PCDHGA3: variants seen among roughly 807,000 people sequenced by gnomAD.
PCDHGA3 encodes protocadherin gamma subfamily A, 3.
Under a neutral mutation model 58.5 loss-of-function variants are expected in PCDHGA3, and 40 were observed. The ratio of observed to expected loss-of-function variants is 0.68; its 90% confidence interval spans 0.53 to 0.89. PCDHGA3 has a LOEUF of 0.89. Ranked by LOEUF, PCDHGA3 falls within the 40% of genes least tolerant of loss-of-function variation. PCDHGA3 has a pLI of 0.00. For missense variants in PCDHGA3, 1,223 were observed against 1,195.9 expected, an observed-to-expected ratio of 1.02 and a Z score of -0.33; for synonymous variants, 530 against 525.7, an observed-to-expected ratio of 1.01 and a Z score of -0.11.
rs1483568435 is a variant in PCDHGA3 at position 141,344,091 on chromosome 5, C to T, written c.58C>T (p.Leu20=). The change falls in exon 1 of 4, where the codon CTG becomes TTG. Residue 20 remains leucine, a synonymous_variant. Coordinates refer to ENST00000253812, the MANE Select transcript of PCDHGA3 (RefSeq NM_018916.4). ...AGGACTGGCCCTGCTGTGCGCGCTC[C>T]TGGGGACGCTGTGCGAAACAGGATC... ...GRGLALLCAL[L]GTLCETGSGQ... The T allele has an allele frequency of 1.2e-6, 2 of 1,613,434 alleles. No individual in the cohort carries two copies. Among genetic ancestry groups the T allele is most frequent in the East Asian group, 2.2e-5 (1 of 44,874 alleles).
chr5:141,489,253 A>T lies in PCDHGA3; in HGVS notation c.2425-5554A>T. 1 of 1,547,506 alleles carries T rather than the reference A, an allele frequency of 6.5e-7. No individual in the cohort carries two copies. The highest frequency in any genetic ancestry group is 2.3e-5 in the East Asian group (1 of 44,418). ...GGACTTCTGGGTCATGGGGCCCAAG[A>T]CACTCCCACAGCTCGCTGGGAAATG... On this transcript the variant is annotated intron_variant, in intron 1 of 3. Coordinates refer to ENST00000253812, the MANE Select transcript of PCDHGA3 (RefSeq NM_018916.4). This position sits in a 1 kb window ranked among gnomAD's most constrained non-coding sequence, Gnocchi z 4.5.
chr5:141,395,162 G>C, intron 1 of PCDHGA3: 1 of 1,614,148 alleles, frequency 6.2e-7, no homozygotes, highest in Non-Finnish European at 8.5e-7. Flanking sequence ...TCAGTCAGGA[G>C]GGCTGTGAGA....
At chr5:141,383,684 T>C in intron 1 of PCDHGA3, 5 of 1,614,014 alleles carry the variant, frequency 3.1e-6, no homozygotes, top group Non-Finnish European at 4.2e-6. Flanking sequence ...ACAAGACTGC[T>C]CACGGTACAT....
At chr5:141,419,151 C>A in intron 1 of PCDHGA3, 1 of 1,613,918 alleles carries the variant, frequency 6.2e-7, no homozygotes. Context: ...GGCAAGCCTC[C>A]GTTATCCTCC....
intron 2 of PCDHGA3, among the ~76,000 whole-genome samples, chr5:141,496,467 TC>T (rs1289225541): frequency 1.3e-5 from 2 of 152,176 alleles, no homozygotes; most frequent in Admixed American, 1.3e-4. Flanking sequence ...GAGTTATCTT[TC>T]CCCCATCCTG....
At chr5:141,473,402 T>C (rs1019157713) in intron 1 of PCDHGA3, among the ~76,000 whole-genome samples, 7 of 152,224 alleles carry the variant, frequency 4.6e-5, no homozygotes, top group Non-Finnish European at 7.3e-5. Flanking sequence ...CTTCTTTTTT[T>C]CTTCTTCAGT....
intron 1 of PCDHGA3, among the ~76,000 whole-genome samples, chr5:141,447,600 T>G (rs769487703): frequency 6.6e-6 from 1 of 151,992 alleles, no homozygotes; most frequent in Non-Finnish European, 1.5e-5. Flanking sequence ...TCCTATAGAG[T>G]CCTTAGCATT....
At chr5:141,384,614 C>G (rs759348931) in intron 1 of PCDHGA3, 2 of 1,614,222 alleles carry the variant, frequency 1.2e-6, no homozygotes, top group Admixed American at 3.3e-5. Context: ...ACAGATGGTT[C>G]TACTGGCATG....
At chr5:141,392,922 G>A (rs2092629176) in intron 1 of PCDHGA3, 1 of 1,613,946 alleles carries the variant, frequency 6.2e-7, no homozygotes, top group African/African-American at 1.3e-5. Context: ...CTCTGTGCCA[G>A]AAGAGACGGA....
At position 141,490,521 on chromosome 5, in the gene PCDHGA3, C is replaced by T. The variant is rs146064810; in HGVS notation, c.2425-4286C>T. The stretch of plus-strand genomic sequence containing the variant: ...ACTATATCATCGAGCTGCTGGCCAG[C>T]GATGCTGGTTCACCTTCCCTACACA... On this transcript the variant is annotated intron_variant, in intron 1 of 3. Coordinates refer to ENST00000253812, the MANE Select transcript of PCDHGA3 (RefSeq NM_018916.4). This position sits in a 1 kb window ranked among gnomAD's most constrained non-coding sequence, Gnocchi z 5.4. The T allele has an allele frequency of 1.0e-4, 166 of 1,614,058 alleles. No individual in the cohort carries two copies. In the African/African-American group the frequency reaches 1.7e-3, roughly 16 times the overall value.
chr5:141,501,374 T>A (rs2099808767), intron 2 of PCDHGA3, among the ~76,000 whole-genome samples: 1 of 151,106 alleles, frequency 6.6e-6, no homozygotes. Context: ...CATCATCTCT[T>A]AAATCCTAGG....
chr5:141,373,350 A>G (rs1769502656), intron 1 of PCDHGA3, among the ~76,000 whole-genome samples: 1 of 152,206 alleles, frequency 6.6e-6, no homozygotes, highest in Non-Finnish European at 1.5e-5. Context: ...AACTCTTGTA[A>G]TGGGCACTGT....
chr5:141,364,678 T>G (rs758125696), intron 1 of PCDHGA3: 4 of 1,613,814 alleles, frequency 2.5e-6, no homozygotes, highest in Non-Finnish European at 3.4e-6. Flanking sequence ...AAATGAAAAT[T>G]TATGGAGTAG....
In PCDHGA3 at chr5:141,420,606, G is replaced by A. The variant is rs141099124; in HGVS notation, c.2424+74149G>A. On this transcript the variant is annotated intron_variant, in intron 1 of 3. Coordinates refer to ENST00000253812, the MANE Select transcript of PCDHGA3 (RefSeq NM_018916.4). Reference sequence around the variant, plus strand: ...CCTGATGCTACTCAATTTTTCTCAAGTATTTCATCTTCATTTACTCAATAA... The same window carrying A: ...CCTGATGCTACTCAATTTTTCTCAAATATTTCATCTTCATTTACTCAATAA... Among the ~76,000 whole-genome samples the A allele has an allele frequency of 2.7e-3, 411 of 152,256 alleles. 1 individual carries two copies. Among genetic ancestry groups the A allele is most frequent in the African/African-American group, 9.4e-3 (392 of 41,546 alleles).
chr5:141,350,542 A>G (rs780885153), intron 1 of PCDHGA3: 1 of 1,614,032 alleles, frequency 6.2e-7, no homozygotes, highest in Non-Finnish European at 8.5e-7. Context: ...AGATTTGCGG[A>G]AGGAAACTTG....
chr5:141,409,818 C>T (rs1027344375), intron 1 of PCDHGA3: 2 of 1,610,918 alleles, frequency 1.2e-6, no homozygotes, highest in Non-Finnish European at 1.7e-6. Context: ...GACCACGGCT[C>T]GCCCACGCTC....
At chr5:141,383,577 C>T in intron 1 of PCDHGA3, 1 of 1,613,420 alleles carries the variant, frequency 6.2e-7, no homozygotes, top group Non-Finnish European at 8.5e-7. Context: ...CCAGCACCGC[C>T]CACATCCAGG....
chr5:141,477,193 C>G lies in PCDHGA3; in HGVS notation c.2425-17614C>G. The G allele has an allele frequency of 6.2e-7, 1 of 1,614,176 alleles. No homozygotes were observed. Among genetic ancestry groups the G allele is most frequent in the Non-Finnish European group, 8.5e-7 (1 of 1,180,036 alleles). On this transcript the variant is annotated intron_variant, in intron 1 of 3. Transcript: ENST00000253812. This position sits in a 1 kb window ranked among gnomAD's most constrained non-coding sequence, Gnocchi z 4.9. ...AGATCACAGTCACCTCCGTGTACAG[C>G]CCAGTACCCGAGGATGCCCCTCTGG...
Position 141,487,246 on chromosome 5 carries a change from C to T in PCDHGA3, c.2425-7561C>T. 1 of 1,614,166 alleles carries T rather than the reference C, an allele frequency of 6.2e-7. No individual in the cohort carries two copies. The highest frequency in any genetic ancestry group is 8.5e-7 in the Non-Finnish European group (1 of 1,180,014). ...GGGAAGGAGAATCTCGTCTAACCCTCTACTTGGCTGTGTCCCTAGTGGCAA... is the reference window on the plus strand; with the variant it reads ...GGGAAGGAGAATCTCGTCTAACCCTTTACTTGGCTGTGTCCCTAGTGGCAA... On this transcript the variant is annotated intron_variant, in intron 1 of 3. Coordinates refer to ENST00000253812, the MANE Select transcript of PCDHGA3 (RefSeq NM_018916.4). This position sits in a 1 kb window ranked among gnomAD's most constrained non-coding sequence, Gnocchi z 5.0.
Sources: allele counts gnomAD v4.1 joint callset (sites outside exome capture counted in the v4.1 genomes callset), GRCh38; gene constraint gnomAD v4.1.1; non-coding constraint Gnocchi (gnomAD v3.1); transcripts MANE v1.5; gene names NCBI Gene and HGNC (gene_info 2026-07-23, HGNC 2026-07-21).